Variants in STOX2 observed in about 807,000 individuals in gnomAD.
STOX2 encodes the protein storkhead box 2, also known as storkhead-box protein 2.
A neutral mutation model predicts 60.9 loss-of-function variants in STOX2; 28 were observed. The observed-to-expected ratio is 0.46, with a 90% confidence interval of 0.34 to 0.63. The LOEUF is 0.63. Ranked by LOEUF, STOX2 falls within the 30% of genes least tolerant of loss-of-function variation. STOX2 has a pLI of 0.01. For synonymous variants in STOX2, 472 were observed against 463.9 expected (o/e 1.02, Z -0.22); for missense variants, 1,024 against 1,187.7 (o/e 0.86, Z 2.03).
chr4:183,923,512 G>A (rs925149587), intron 1 of STOX2, among the ~76,000 whole-genome samples: 16 of 152,274 alleles, frequency 1.1e-4, no homozygotes, highest in Admixed American at 2.6e-4. Context: ...TAACCAACAC[G>A]GAAGGCAGAG....
At chr4:183,861,249 G>GC (rs1373407103) in intron 1 of STOX2, among the ~76,000 whole-genome samples, 1 of 152,070 alleles carries the variant, frequency 6.6e-6, no homozygotes, top group Non-Finnish European at 1.5e-5. Flanking sequence ...AGAAGGAGCT[G>GC]CCCCCCACCA....
Position 184,010,222 on chromosome 4 carries a change from A to T in STOX2, c.1384A>T (p.Ser462Cys), listed in dbSNP as rs1251665759. 6.4e-7 allele frequency: 1 copy of T among 1,555,802 alleles called. No homozygotes were observed. Among genetic ancestry groups the T allele is most frequent in the East Asian group, 2.4e-5 (1 of 41,138 alleles). Reference protein sequence around the residue: ...EMPFPEPSRGSSHSKVHRSHS... With the variant: ...EMPFPEPSRGCSHSKVHRSHS... Reference sequence around the variant, plus strand: ...GCCTTTTCCTGAACCTTCTAGGGGAAGCTCCCACTCAAAAGTGCACCGAAG... The same window carrying T: ...GCCTTTTCCTGAACCTTCTAGGGGATGCTCCCACTCAAAAGTGCACCGAAG... Residue 462 changes from serine to cysteine, a missense_variant, in exon 3 of 4, where the codon AGC becomes TGC. By Grantham distance (112) the Ser-to-Cys change is moderately radical. This residue lies in a region of STOX2 where 922 missense variants were observed against 1,058.3 expected (regional missense o/e 0.87). Transcript: ENST00000308497. This position sits in a 1 kb window ranked among gnomAD's most constrained non-coding sequence, Gnocchi z 4.5.
At chr4:184,003,961 T>C (rs896472946) in intron 2 of STOX2, among the ~76,000 whole-genome samples, 1 of 144,512 alleles carries the variant, frequency 6.9e-6, no homozygotes, top group African/African-American at 2.6e-5. Context: ...TTTTTTTTTG[T>C]CTGTCTTTTA....
rs1423273899 is a variant in STOX2, at chr4:183,821,966, GGT to G, written c.364+23913_364+23914del. On this transcript the variant is annotated intron_variant, in intron 1 of 2. Coordinates refer to the STOX2 transcript ENST00000513034. This position sits in a 1 kb window ranked among gnomAD's most constrained non-coding sequence, Gnocchi z 4.2. Reference sequence around the variant, plus strand: ...AAAAAGGACGCTTGTGTGTGGAAAAGGTGATACAGTTTGTGTCGGGTCTTGCA... The same window carrying G: ...AAAAAGGACGCTTGTGTGTGGAAAAGGATACAGTTTGTGTCGGGTCTTGCA... 6.6e-6 allele frequency among the ~76,000 whole-genome samples: 1 copy of G among 152,260 alleles called. No individual in the cohort carries two copies. The highest frequency in any genetic ancestry group is 1.5e-5 in the Non-Finnish European group (1 of 68,052).
At chr4:183,851,096 A>G in intron 1 of STOX2, among the ~76,000 whole-genome samples, 1 of 87,040 alleles carries the variant, frequency 1.1e-5, no homozygotes, top group African/African-American at 4.2e-5. Flanking sequence ...GGATGAGGGA[A>G]ACGATGAGGG....
At chr4:183,895,154 G>T (rs563346688) in intron 1 of STOX2, among the ~76,000 whole-genome samples, 1 of 152,286 alleles carries the variant, frequency 6.6e-6, no homozygotes. Context: ...ATCGTGGACT[G>T]TCTCTGAGCC....
intron 1 of STOX2, among the ~76,000 whole-genome samples, chr4:183,972,730 A>G (rs983401818): frequency 1.3e-5 from 2 of 152,246 alleles, no homozygotes; most frequent in Admixed American, 6.5e-5. Context: ...TGATATAATA[A>G]TCAACATTAC....
chr4:183,880,900 G>A (rs896673273), intron 1 of STOX2, among the ~76,000 whole-genome samples: 6 of 152,114 alleles, frequency 3.9e-5, no homozygotes, highest in Non-Finnish European at 7.4e-5. Context: ...CTCTAAGGAG[G>A]AAATTTTTTC....
At chr4:183,889,863 T>C (rs1273122223) in intron 1 of STOX2, among the ~76,000 whole-genome samples, 2 of 152,222 alleles carry the variant, frequency 1.3e-5, no homozygotes, top group Admixed American at 1.3e-4. Context: ...ATACTTTCTG[T>C]TTTTTCTTCT....
At chr4:184,003,196 A>G (rs1249330084) in intron 2 of STOX2, among the ~76,000 whole-genome samples, 1 of 152,214 alleles carries the variant, frequency 6.6e-6, no homozygotes. Context: ...TGAACAACCC[A>G]GCAGCTTTTT....
At chr4:184,007,364 C>G (rs533566752) in intron 2 of STOX2, among the ~76,000 whole-genome samples, 2 of 152,232 alleles carry the variant, frequency 1.3e-5, no homozygotes, top group East Asian at 1.9e-4. Flanking sequence ...CCCAGGTGTT[C>G]TAGGTTGGTG....
chr4:183,798,906 TTTTGTACTATTA>T, intron 1 of STOX2: 1 of 128,946 alleles, frequency 7.8e-6, no homozygotes, highest in Non-Finnish European at 1.1e-5. Flanking sequence ...TACTTTGAGT[TTTTGTACTATTA>T]CATAGTAAAT....
At chr4:183,835,091 A>T (rs1027580317) in intron 1 of STOX2, among the ~76,000 whole-genome samples, 1 of 152,084 alleles carries the variant, frequency 6.6e-6, no homozygotes, top group Admixed American at 6.5e-5. Flanking sequence ...TCCTCTTCTT[A>T]ACAATTACGT....
At chr4:183,830,664 G>T (rs958226456) in intron 1 of STOX2, among the ~76,000 whole-genome samples, 4 of 152,126 alleles carry the variant, frequency 2.6e-5, no homozygotes, top group Non-Finnish European at 4.4e-5. Flanking sequence ...TATATCTGTT[G>T]GTTGAAATTA....
chr4:183,857,176 A>G (rs1381834297), intron 1 of STOX2, among the ~76,000 whole-genome samples: 1 of 151,156 alleles, frequency 6.6e-6, no homozygotes, highest in East Asian at 1.9e-4. Flanking sequence ...AGGTCTGGTC[A>G]TCCCACAGGA....
At chr4:183,889,582 A>G (rs1413173094) in intron 1 of STOX2, among the ~76,000 whole-genome samples, 1 of 152,238 alleles carries the variant, frequency 6.6e-6, no homozygotes, top group Admixed American at 6.5e-5. Context: ...AGTCAAAACA[A>G]AAGCATGAAG....
At chr4:183,986,156 A>G (rs1285064539) in intron 1 of STOX2, among the ~76,000 whole-genome samples, 4 of 152,348 alleles carry the variant, frequency 2.6e-5, no homozygotes, top group African/African-American at 9.6e-5. Context: ...AAATACTTGA[A>G]GAAAAGGGAT....
chr4:184,009,923 C>T lies in STOX2; in HGVS notation c.1085C>T (p.Thr362Ile). ...HHSGRSKKSR[T>I]HRKSHGKSRS... ...AGCGGAAGGAGTAAAAAGAGTAGGACTCATCGGAAGTCCCATGGAAAGTCT... is the reference window on the plus strand; with the variant it reads ...AGCGGAAGGAGTAAAAAGAGTAGGATTCATCGGAAGTCCCATGGAAAGTCT... The change falls in exon 3 of 4, where the codon ACT becomes ATT. Residue 362 changes from threonine (T) to isoleucine (I), a missense_variant. Thr to Ile is a moderately conservative substitution (Grantham distance 89, BLOSUM62 -1). Transcript: ENST00000308497. The surrounding 1 kb of genome is among the most constrained non-coding windows in gnomAD (Gnocchi z 4.0). 6.2e-7 allele frequency: 1 copy of T among 1,613,038 alleles called. No homozygotes were observed. Among genetic ancestry groups the T allele is most frequent in the Non-Finnish European group, 8.5e-7 (1 of 1,179,486 alleles).
chr4:183,806,534 G>T lies in STOX2; in HGVS notation c.364+8479G>T, dbSNP rs115464447. ...TTCACTGTGAACCCCGGGATACTGC[G>T]GCGGTGCTGGCTGGAAGGCTGGCTT... On this transcript the variant is annotated intron_variant, in intron 1 of 2. Transcript: ENST00000513034. This position sits in a 1 kb window ranked among gnomAD's most constrained non-coding sequence, Gnocchi z 4.1. 3.4e-3 allele frequency among the ~76,000 whole-genome samples: 518 copies of T among 152,210 alleles called. 1 individual carries two copies. Among genetic ancestry groups the T allele is most frequent in the African/African-American group, 0.012 (483 of 41,540 alleles).
Sources: gnomAD v4.1 joint callset for allele counts (sites outside exome capture counted in the v4.1 genomes callset) on GRCh38, gnomAD v4.1.1 for gene constraint, gnomAD v4.1.1 regional missense constraint, Gnocchi (gnomAD v3.1) non-coding constraint, MANE v1.5 for transcripts, NCBI Gene and HGNC (gene_info 2026-07-23, HGNC 2026-07-21) for gene names.